The following ADGRL2 variants were observed in gnomAD, a reference collection of about 807,000 sequenced individuals.
ADGRL2 encodes adhesion G protein-coupled receptor L2.
In ADGRL2, 44 loss-of-function variants were observed where a neutral mutation model predicts 157.4. The observed-to-expected ratio is 0.28, with a 90% CI of 0.22 to 0.36. The LOEUF (loss-of-function observed/expected upper bound fraction) is 0.36. ADGRL2 is among the 10% of genes least tolerant of loss of function. The pLI, the probability that ADGRL2 is intolerant of heterozygous loss-of-function variation, is 1.00. For missense variants in ADGRL2, 1,510 were observed against 1,768.9 expected, an observed-to-expected ratio of 0.85 and a Z score of 2.63; for synonymous variants, 585 against 624.7, an observed-to-expected ratio of 0.94 and a Z score of 0.95.
chr1:81,474,902 CAGTG>C (rs2078241113), intron 2 of ADGRL2, among the ~76,000 whole-genome samples: 1 of 152,076 alleles, frequency 6.6e-6, no homozygotes, highest in Non-Finnish European at 1.5e-5. Context: ...ATTCAAGTAA[CAGTG>C]AGAAAGATCA....
At chr1:81,553,248 T>C (rs2080194048) in intron 2 of ADGRL2, among the ~76,000 whole-genome samples, 1 of 152,202 alleles carries the variant, frequency 6.6e-6, no homozygotes, top group Non-Finnish European at 1.5e-5. Flanking sequence ...TATCTGCATA[T>C]AATAAAGATT....
At chr1:81,464,373 G>T (rs1356544268) in intron 2 of ADGRL2, among the ~76,000 whole-genome samples, 1 of 152,012 alleles carries the variant, frequency 6.6e-6, no homozygotes, top group Admixed American at 6.6e-5. Context: ...GAGTATCTGG[G>T]CAGCCTATCA....
intron 1 of ADGRL2, among the ~76,000 whole-genome samples, chr1:81,309,346 G>A (rs1187416835): frequency 1.3e-5 from 2 of 152,158 alleles, no homozygotes; most frequent in Non-Finnish European, 2.9e-5. Flanking sequence ...TATGGGGTCA[G>A]TGAAACCATC....
chr1:81,322,229 A>G (rs946731842), intron 1 of ADGRL2, among the ~76,000 whole-genome samples: 7 of 151,280 alleles, frequency 4.6e-5, no homozygotes, highest in Non-Finnish European at 1.0e-4. Flanking sequence ...AAACAAAAAT[A>G]TGTGATTCTT....
At chr1:81,568,422 A>G (rs1478493649) in intron 2 of ADGRL2, among the ~76,000 whole-genome samples, 1 of 152,152 alleles carries the variant, frequency 6.6e-6, no homozygotes, top group Non-Finnish European at 1.5e-5. Context: ...TGCCTGGATG[A>G]GTTTCTTCAA....
At chr1:81,469,781 G>GT (rs375314808) in intron 2 of ADGRL2, among the ~76,000 whole-genome samples, 46,951 of 151,954 alleles carry the variant, frequency 0.31, 8,494 homozygotes, top group East Asian at 0.85. Flanking sequence ...TCACTTTCCT[G>GT]ACAAAATGCT....
At chr1:81,487,209 A>G (rs1449519121) in intron 2 of ADGRL2, among the ~76,000 whole-genome samples, 1 of 152,036 alleles carries the variant, frequency 6.6e-6, no homozygotes, top group Non-Finnish European at 1.5e-5. Context: ...TAGAGGCTGT[A>G]GGATCAGACC....
chr1:81,834,969 C>T (rs915536772), intron 1 of ADGRL2, among the ~76,000 whole-genome samples: 2 of 152,124 alleles, frequency 1.3e-5, no homozygotes, highest in African/African-American at 4.8e-5. Flanking sequence ...GTGGTTTCCT[C>T]CTCCTTTTTC....
chr1:81,676,161 C>A (rs914936110), intron 3 of ADGRL2, among the ~76,000 whole-genome samples: 1 of 152,122 alleles, frequency 6.6e-6, no homozygotes, highest in African/African-American at 2.4e-5. Context: ...GCCACCATGC[C>A]ACCATGCCTG....
At position 81,374,862 on chromosome 1, in the gene ADGRL2, A is replaced by T. The variant is rs190868457; in HGVS notation, c.-302+68353A>T. Among the ~76,000 whole-genome samples the T allele has an allele frequency of 2.6e-5, 4 of 152,296 alleles. No individual in the cohort carries two copies. The East Asian group carries it at 7.7e-4, about 29-fold the overall frequency. On this transcript the variant is annotated intron_variant, in intron 1 of 24. Coordinates refer to the ADGRL2 transcript ENST00000370721. ...AGCTGGTACTCATTTCATTGGCCCT[A>T]TCCAGGAAGATGATGCAAGACAGTA...
chr1:81,539,495 C>T (rs1263767065), intron 2 of ADGRL2, among the ~76,000 whole-genome samples: 1 of 152,156 alleles, frequency 6.6e-6, no homozygotes, highest in African/African-American at 2.4e-5. Flanking sequence ...TATATCACTG[C>T]CCCCGATCGC....
intron 1 of ADGRL2, among the ~76,000 whole-genome samples, chr1:81,389,990 T>A (rs2101109227): frequency 6.6e-6 from 1 of 152,198 alleles, no homozygotes; most frequent in Non-Finnish European, 1.5e-5. Flanking sequence ...AACCAAAAGA[T>A]CTGATAATAC....
At chr1:81,922,675 G>A (rs190702223) in intron 3 of ADGRL2, among the ~76,000 whole-genome samples, 6 of 152,168 alleles carry the variant, frequency 3.9e-5, no homozygotes, top group East Asian at 3.9e-4. Flanking sequence ...ATAACAGCAC[G>A]TAATGTCTTC....
At chr1:81,632,482 G>A (rs566982487) in intron 3 of ADGRL2, among the ~76,000 whole-genome samples, 35 of 152,226 alleles carry the variant, frequency 2.3e-4, no homozygotes, top group African/African-American at 7.2e-4. Context: ...TCATAGGCCC[G>A]GCACGGTGGC....
chr1:81,330,181 G>C (rs1381643760), intron 1 of ADGRL2, among the ~76,000 whole-genome samples: 1 of 152,064 alleles, frequency 6.6e-6, no homozygotes, highest in African/African-American at 2.4e-5. Context: ...TCATCATCAT[G>C]ATGAGGATGA....
intron 1 of ADGRL2, among the ~76,000 whole-genome samples, chr1:81,405,705 T>C (rs35192216): frequency 0.48 from 73,151 of 150,962 alleles, 18,460 homozygotes; most frequent in Non-Finnish European, 0.54. Context: ...ATTTTCAAAA[T>C]AATAATAGGG....
In ADGRL2 at chr1:81,658,499, G is replaced by A. The variant is rs1214667156; in HGVS notation, c.-143+77519G>A. ...ACACAGTGATGAAATCTGGGCTTTAGGCATACCCATCACCCAAATAGTGTA... is the reference window on the plus strand; with the variant it reads ...ACACAGTGATGAAATCTGGGCTTTAAGCATACCCATCACCCAAATAGTGTA... On this transcript the variant is annotated intron_variant, in intron 3 of 24. Transcript: ENST00000370721. Among the ~76,000 whole-genome samples, 6 of 152,078 alleles carry A rather than the reference G, an allele frequency of 3.9e-5. 1 individual carries two copies. The highest frequency in any genetic ancestry group is 7.4e-5 in the Non-Finnish European group (5 of 68,018).
intron 1 of ADGRL2, among the ~76,000 whole-genome samples, chr1:81,816,480 T>C (rs1424627244): frequency 6.6e-6 from 1 of 151,940 alleles, no homozygotes; most frequent in Non-Finnish European, 1.5e-5. Flanking sequence ...GAATGGATGG[T>C]TGAGGGCCTT....
intron 1 of ADGRL2, among the ~76,000 whole-genome samples, chr1:81,388,962 A>C (rs1024281815): frequency 4.0e-5 from 6 of 151,786 alleles, no homozygotes; most frequent in African/African-American, 1.5e-4. Flanking sequence ...TTGTTTGAAG[A>C]CCCCCAAAGA....
Sources: gnomAD v4.1 joint callset for allele counts (sites outside exome capture counted in the v4.1 genomes callset) on GRCh38, gnomAD v4.1.1 for gene constraint, MANE v1.5 for transcripts, NCBI Gene and HGNC (gene_info 2026-07-23, HGNC 2026-07-21) for gene names.